The following FSTL5 variants were observed in gnomAD, a reference collection of about 807,000 sequenced individuals.
FSTL5 encodes follistatin like 5, also known as follistatin-related protein 5.
In FSTL5, 62 loss-of-function variants were observed where a neutral mutation model predicts 89.1. The ratio of observed to expected loss-of-function variants is 0.70; its 90% CI spans 0.57 to 0.86. The LOEUF is 0.86. Ranked by LOEUF, FSTL5 falls within the 40% of genes least tolerant of loss-of-function variation. The pLI is 0.00. For missense variants in FSTL5, 1,057 were observed against 1,001.6 expected, an observed-to-expected ratio of 1.06 and a Z score of -0.75; for synonymous variants, 383 against 346.2, an observed-to-expected ratio of 1.11 and a Z score of -1.18.
At chr4:162,140,904 T>C (rs1561041384) in intron 1 of FSTL5, among the ~76,000 whole-genome samples, 1 of 152,036 alleles carries the variant, frequency 6.6e-6, no homozygotes, top group Non-Finnish European at 1.5e-5. Flanking sequence ...AGTTTTGATA[T>C]TTGTCCTCTT....
Position 161,877,208 on chromosome 4 carries a change from T to C in FSTL5, c.409+43196A>G, listed in dbSNP as rs141950790. Among the ~76,000 whole-genome samples, 21 of 149,732 alleles carry C rather than the reference T, an allele frequency of 1.4e-4. No individual in the cohort carries two copies. The East Asian group carries it at 4.1e-3, about 29-fold the overall frequency. On this transcript the variant is annotated intron_variant, in intron 4 of 15. Coordinates refer to ENST00000306100, the MANE Select transcript of FSTL5 (RefSeq NM_020116.5). ...CGAAAAAAAAAAAAAATTACTATGATAATATAGCAGAAAATATATAGAAAA... is the reference window on the plus strand; with the variant it reads ...CGAAAAAAAAAAAAAATTACTATGACAATATAGCAGAAAATATATAGAAAA...
At chr4:162,124,845 G>A (rs931607909) in intron 1 of FSTL5, among the ~76,000 whole-genome samples, 4 of 152,188 alleles carry the variant, frequency 2.6e-5, no homozygotes, top group East Asian at 3.9e-4. Context: ...GACTACAGGC[G>A]CCCGCCACCA....
At chr4:161,503,798 C>G (rs1204855910) in intron 11 of FSTL5, among the ~76,000 whole-genome samples, 3 of 152,020 alleles carry the variant, frequency 2.0e-5, no homozygotes, top group African/African-American at 7.2e-5. Flanking sequence ...AAAAAACTTT[C>G]TAGCAAGAAT....
At chr4:161,489,409 A>G (rs1365932085) in intron 12 of FSTL5, among the ~76,000 whole-genome samples, 1 of 152,168 alleles carries the variant, frequency 6.6e-6, no homozygotes, top group Non-Finnish European at 1.5e-5. Context: ...ATAGAGCTTG[A>G]CAAAAAGGTG....
At chr4:161,396,950 A>G (rs960119577) in intron 15 of FSTL5, among the ~76,000 whole-genome samples, 1 of 152,130 alleles carries the variant, frequency 6.6e-6, no homozygotes, top group Non-Finnish European at 1.5e-5. Context: ...AGGGAGTATA[A>G]TGAATTAATT....
rs770127411 is a variant in FSTL5 at position 162,066,343 on chromosome 4, TCTTCTTCTTCTC to T, written c.127-32697_127-32686del. On this transcript the variant is annotated intron_variant, in intron 2 of 15. Transcript: ENST00000306100. ...TTCTTCTTCTTCTTCTTCTTCTTCT[TCTTCTTCTTCTC>T]CTTCTTCTTCTTCTTCTCCTTCTTC... is the stretch of plus-strand genomic sequence containing the variant. Among the ~76,000 whole-genome samples, 1,294 of 132,686 alleles carry T rather than the reference TCTTCTTCTTCTC, an allele frequency of 9.8e-3. 10 individuals carry two copies. Among genetic ancestry groups the T allele is most frequent in the East Asian group, 0.039 (134 of 3,396 alleles). 87.0% of individuals were successfully genotyped at this position (132,686 alleles called of 152,430 possible).
chr4:161,965,566 T>C (rs1280572276), intron 3 of FSTL5, among the ~76,000 whole-genome samples: 2 of 152,118 alleles, frequency 1.3e-5, no homozygotes, highest in Non-Finnish European at 2.9e-5. Context: ...TGGGTTTTCA[T>C]GTCTAGTAGA....
chr4:161,394,799 T>G (rs1730945075), intron 15 of FSTL5, among the ~76,000 whole-genome samples: 1 of 152,218 alleles, frequency 6.6e-6, no homozygotes, highest in Admixed American at 6.5e-5. Context: ...TATTTTGGTT[T>G]GCATGTTTTG....
At chr4:161,928,232 T>A (rs1378619715) in intron 3 of FSTL5, among the ~76,000 whole-genome samples, 1 of 151,860 alleles carries the variant, frequency 6.6e-6, no homozygotes, top group Admixed American at 6.6e-5. Flanking sequence ...CATGTTTGGC[T>A]TCCTAGCTCA....
chr4:161,664,302 A>T (rs4315734), intron 6 of FSTL5, among the ~76,000 whole-genome samples: 151,876 of 152,342 alleles, frequency 1, 75,708 homozygotes, highest in Middle Eastern at 1. Flanking sequence ...TTGTATGCTC[A>T]GTTTCCCTTT....
intron 7 of FSTL5, among the ~76,000 whole-genome samples, chr4:161,612,885 A>C (rs1208477640): frequency 1.3e-5 from 2 of 152,228 alleles, no homozygotes; most frequent in Non-Finnish European, 2.9e-5. Context: ...TTTAATTTGC[A>C]TAAAATACAA....
chr4:161,656,147 A>C (rs1560773842), intron 7 of FSTL5, among the ~76,000 whole-genome samples, 181 bp downstream of exon 7: 1 of 152,154 alleles, frequency 6.6e-6, no homozygotes. Context: ...AATACAAATG[A>C]TTTGGAAAAT....
At chr4:162,025,164 A>G (rs1737233200) in intron 3 of FSTL5, among the ~76,000 whole-genome samples, 1 of 152,166 alleles carries the variant, frequency 6.6e-6, no homozygotes. Flanking sequence ...CAGGACAACT[A>G]GAGGATACTT....
intron 4 of FSTL5, among the ~76,000 whole-genome samples, chr4:161,850,430 T>C (rs1731511666): frequency 6.6e-6 from 1 of 152,138 alleles, no homozygotes; most frequent in Admixed American, 6.5e-5. Context: ...GTACTGAAAA[T>C]TGCTTTTTAG....
At chr4:161,923,744 T>C (rs1468725730) in intron 3 of FSTL5, among the ~76,000 whole-genome samples, 2 of 151,732 alleles carry the variant, frequency 1.3e-5, no homozygotes, top group South Asian at 2.1e-4. Context: ...CTAGTATATA[T>C]AGGTTGGTCA....
At chr4:161,675,864 G>T (rs1184069374) in intron 6 of FSTL5, among the ~76,000 whole-genome samples, 2 of 151,912 alleles carry the variant, frequency 1.3e-5, no homozygotes, top group Non-Finnish European at 2.9e-5. Context: ...TGTAGAAAAA[G>T]AAATATTACA....
chr4:162,151,277 A>G (rs561616928), intron 1 of FSTL5, among the ~76,000 whole-genome samples: 1 of 152,328 alleles, frequency 6.6e-6, no homozygotes, highest in Admixed American at 6.5e-5. Flanking sequence ...GCAACTTCCC[A>G]ATCAAAAATA....
At chr4:161,838,579 T>TG (rs1438318202) in intron 4 of FSTL5, among the ~76,000 whole-genome samples, 3 of 152,174 alleles carry the variant, frequency 2.0e-5, no homozygotes, top group African/African-American at 7.2e-5. Flanking sequence ...CCACCGTGCC[T>TG]GGCCTGGAAT....
At position 162,029,146 on chromosome 4, in the gene FSTL5, G is replaced by GGAGAGAGAGA. The variant is rs5863512; in HGVS notation, c.160+4469_160+4478dup. On this transcript the variant is annotated intron_variant, in intron 3 of 15. Coordinates refer to ENST00000306100, the MANE Select transcript of FSTL5 (RefSeq NM_020116.5). ...TGAAAGCAGTGTATATGTACATGAG[G>GGAGAGAGAGA]GAGAGAGAGAGAGAGAGAGAGTGTG... Among the ~76,000 whole-genome samples the GGAGAGAGAGA allele has an allele frequency of 8.6e-5, 12 of 139,292 alleles. No individual in the cohort carries two copies. The East Asian group carries it at 2.1e-3, about 25-fold the overall frequency. The allele number at this position is 139,292 out of a possible 152,430, so 91.4% of individuals were successfully genotyped here.
Sources: allele counts gnomAD v4.1 joint callset (sites outside exome capture counted in the v4.1 genomes callset), GRCh38; gene constraint gnomAD v4.1.1; transcripts MANE v1.5; gene names NCBI Gene and HGNC (gene_info 2026-07-23, HGNC 2026-07-21).